KRAS: variants seen among roughly 807,000 people sequenced by gnomAD.
KRAS encodes the protein KRas proto-oncogene, GTPase, also known as GTPase KRas.
Under a neutral mutation model 21.0 loss-of-function variants are expected in KRAS, and 1 was observed. The observed-to-expected ratio is 0.05, with a 90% CI of 0.02 to 0.23. KRAS has a LOEUF of 0.23. KRAS is among the 10% of genes least tolerant of loss of function. The pLI is 1.00. For missense variants in KRAS, 107 were observed against 221.8 expected (o/e 0.48, Z 3.29); for synonymous variants, 67 against 72.5 (o/e 0.92, Z 0.39).
chr12:25,237,717 G>A (rs1202215636), intron 2 of KRAS, among the ~76,000 whole-genome samples: 1 of 152,056 alleles, frequency 6.6e-6, no homozygotes. Context: ...CTGCATACAG[G>A]ACTTTATACA....
intron 1 of KRAS, among the ~76,000 whole-genome samples, chr12:25,246,147 CAAAAAAAA>C (rs35617676): frequency 7.1e-5 from 6 of 84,472 alleles, no homozygotes; most frequent in African/African-American, 2.7e-4. Context: ...GACTCCGTCT[CAAAAAAAA>C]AAAAAAAAAA....
At position 25,209,366 on chromosome 12, in the gene KRAS, A is replaced by G. The variant is rs1039262620; in HGVS notation, c.*429T>C. ...TAAATTTGTGTTCCCTCAATGTTTCAGTAAAAACCAATTAGAAGGTCTCAA... is the reference window on the plus strand; with the variant it reads ...TAAATTTGTGTTCCCTCAATGTTTCGGTAAAAACCAATTAGAAGGTCTCAA... On this transcript the variant is annotated 3_prime_UTR_variant, in exon 5 of 5. Coordinates refer to ENST00000311936, the MANE Select transcript of KRAS (RefSeq NM_004985.5). 1 of 638,838 alleles carries G rather than the reference A, an allele frequency of 1.6e-6. No homozygotes were observed. Among genetic ancestry groups the G allele is most frequent in the Admixed American group, 3.4e-5 (1 of 29,406 alleles). The allele number at this position is 638,838 out of a possible 1,614,324, so 39.6% of individuals were successfully genotyped here. A position where few individuals can be genotyped will look rare whatever the true frequency, so the allele number is the denominator to read the frequency against.
chr12:25,237,860 G>A (rs1167831478), intron 2 of KRAS, among the ~76,000 whole-genome samples: 2 of 152,140 alleles, frequency 1.3e-5, no homozygotes. Flanking sequence ...GAACTGTTCA[G>A]AAACAGTATC....
At chr12:25,224,996 C>T (rs1365246954) in intron 4 of KRAS, 2 of 151,748 alleles carry the variant, frequency 1.3e-5, no homozygotes, top group Non-Finnish European at 2.9e-5. Context: ...TTTATTTTAC[C>T]TGAAGAAAAA....
chr12:25,220,791 C>G (rs113019402), intron 4 of KRAS, among the ~76,000 whole-genome samples: 3,062 of 151,302 alleles, frequency 0.02, 86 homozygotes, highest in African/African-American at 0.07. Context: ...CTGGGAGGCT[C>G]AGATGGGAGG....
At chr12:25,221,135 A>G (rs185034001) in intron 4 of KRAS, among the ~76,000 whole-genome samples, 1 of 152,272 alleles carries the variant, frequency 6.6e-6, no homozygotes, top group East Asian at 1.9e-4. Flanking sequence ...GTAAAATACA[A>G]AAGTTTAACC....
chr12:25,240,519 T>TAA (rs1951597923), intron 2 of KRAS, among the ~76,000 whole-genome samples: 1 of 152,154 alleles, frequency 6.6e-6, no homozygotes, highest in Non-Finnish European at 1.5e-5. Context: ...TTACAAGAAA[T>TAA]CTAGAGATAC....
At chr12:25,245,418 T>A (rs753482944) in intron 1 of KRAS, 23 bp from the exon 2 acceptor site, 58 of 1,574,464 alleles carry the variant, frequency 3.7e-5, no homozygotes, top group Non-Finnish European at 4.9e-5. Context: ...ATAATGAAAA[T>A]GTGACTATAT....
intron 1 of KRAS, among the ~76,000 whole-genome samples, chr12:25,248,159 C>A (rs1951709591): frequency 6.6e-6 from 1 of 152,042 alleles, no homozygotes; most frequent in Non-Finnish European, 1.5e-5. Flanking sequence ...ATGTGCCCGG[C>A]CCCTTCGATA....
chr12:25,212,374 CAA>C (rs1436467606), intron 4 of KRAS, among the ~76,000 whole-genome samples: 1 of 152,112 alleles, frequency 6.6e-6, no homozygotes. Context: ...AAGATTCTGA[CAA>C]AGATTCTAGG....
At chr12:25,241,308 A>C (rs1951607223) in intron 2 of KRAS, among the ~76,000 whole-genome samples, 1 of 152,242 alleles carries the variant, frequency 6.6e-6, no homozygotes, top group Non-Finnish European at 1.5e-5. Flanking sequence ...TAATTTAAAC[A>C]GCGAAACTAC....
intron 2 of KRAS, among the ~76,000 whole-genome samples, chr12:25,242,821 T>A (rs1951627058): frequency 6.6e-6 from 1 of 152,194 alleles, no homozygotes; most frequent in African/African-American, 2.4e-5. Context: ...TAACTTGGTC[T>A]CAGAGAATTT....
At chr12:25,215,111 A>C in intron 4 of KRAS, 1 of 316,850 alleles carries the variant, frequency 3.2e-6, no homozygotes, top group Non-Finnish European at 4.6e-6. Flanking sequence ...AAAAAAAAAA[A>C]AAAAGCTGCT....
chr12:25,243,068 A>G (rs1171532574), intron 2 of KRAS, among the ~76,000 whole-genome samples: 1 of 152,180 alleles, frequency 6.6e-6, no homozygotes, highest in African/African-American at 2.4e-5. Flanking sequence ...ATCCTTTCTA[A>G]TTTTCTCTCT....
In KRAS at chr12:25,222,756, T is replaced by C. The variant is rs61762418; in HGVS notation, c.450+2858A>G. Among the ~76,000 whole-genome samples, 557 of 152,258 alleles carry C rather than the reference T, an allele frequency of 3.7e-3. 3 individuals carry two copies. The highest frequency in any genetic ancestry group is 0.013 in the African/African-American group (523 of 41,556). ...TCTCTTATAAAAGGAAGCCAGATAGTTTTCTGATCAAATATGAATGCTGTG... is the reference window on the plus strand; with the variant it reads ...TCTCTTATAAAAGGAAGCCAGATAGCTTTCTGATCAAATATGAATGCTGTG... On this transcript the variant is annotated intron_variant, in intron 4 of 4. Transcript: ENST00000311936.
At chr12:25,249,219 AC>A (rs1951730042) in intron 1 of KRAS, among the ~76,000 whole-genome samples, 1 of 151,942 alleles carries the variant, frequency 6.6e-6, no homozygotes, top group Non-Finnish European at 1.5e-5. Flanking sequence ...ACATGGTGAA[AC>A]CCCCGTCTCT....
intron 1 of KRAS, among the ~76,000 whole-genome samples, chr12:25,246,456 G>C (rs1194787217): frequency 1.3e-5 from 2 of 151,852 alleles, no homozygotes; most frequent in African/African-American, 4.8e-5. Flanking sequence ...TACTGGGGAG[G>C]CTGAGGAAGG....
At chr12:25,235,210 A>G (rs1951529192) in intron 2 of KRAS, 2 of 555,612 alleles carry the variant, frequency 3.6e-6, no homozygotes, top group South Asian at 2.3e-5. Context: ...GACTTTTTAC[A>G]TACTGCTTAA....
chr12:25,232,605 A>G (rs1417796172), intron 2 of KRAS, among the ~76,000 whole-genome samples: 2 of 152,224 alleles, frequency 1.3e-5, no homozygotes, highest in Non-Finnish European at 2.9e-5. Flanking sequence ...TCAAAAAAGT[A>G]AACTTTTAAA....
Sources: gnomAD v4.1 joint callset for allele counts (sites outside exome capture counted in the v4.1 genomes callset) on GRCh38, gnomAD v4.1.1 for gene constraint, MANE v1.5 for transcripts, NCBI Gene and HGNC (gene_info 2026-07-23, HGNC 2026-07-21) for gene names.